The following PCSK9 variants were observed in gnomAD, a reference collection of about 807,000 sequenced individuals.
PCSK9 encodes the protein convertase subtilisin/kexin type 9 preproprotein.
In PCSK9, 57 loss-of-function variants were observed where a neutral mutation model predicts 62.1. That is an observed-to-expected ratio of 0.92 (90% confidence interval 0.74 to 1.14). The LOEUF (loss-of-function observed/expected upper bound fraction) is 1.14, where lower values mean the gene tolerates loss of function less well. PCSK9 is among the 50% of genes most tolerant of loss of function. PCSK9 has a pLI of 0.00. For missense variants in PCSK9, 870 were observed against 959.8 expected (o/e 0.91, Z 1.24); for synonymous variants, 387 against 409.4 (o/e 0.95, Z 0.66).
At chr1:55,049,946 G>A (rs931285590) in intron 3 of PCSK9, among the ~76,000 whole-genome samples, 6 of 152,192 alleles carry the variant, frequency 3.9e-5, no homozygotes, top group Admixed American at 2.0e-4. Context: ...GGACCAGAAA[G>A]GACTCTCACC....
intron 7 of PCSK9, among the ~76,000 whole-genome samples, 161 bp downstream of exon 7, chr1:55,057,675 G>A (rs989169827): frequency 6.6e-6 from 1 of 152,184 alleles, no homozygotes; most frequent in Non-Finnish European, 1.5e-5. Flanking sequence ...TGAGGGAGGC[G>A]AGTGCACAGA....
chr1:55,057,592 C>T, intron 7 of PCSK9, 78 bp downstream of exon 7: 3 of 1,485,786 alleles, frequency 2.0e-6, no homozygotes, highest in Non-Finnish European at 2.7e-6. Flanking sequence ...CCGGGACCTC[C>T]AGTGCCAGGC....
chr1:55,045,200 G>C (rs1375599528), intron 2 of PCSK9, among the ~76,000 whole-genome samples: 4 of 152,220 alleles, frequency 2.6e-5, no homozygotes, highest in African/African-American at 9.6e-5. Context: ...CAGGGCAGCT[G>C]CTCAGAGGAG....
rs28362228 is a variant in PCSK9, at chr1:55,049,008, C to T, written c.523+2362C>T. 7.8e-3 allele frequency among the ~76,000 whole-genome samples: 1,186 copies of T among 152,328 alleles called. 21 individuals carry two copies. Among genetic ancestry groups the T allele is most frequent in the African/African-American group, 0.028 (1,145 of 41,566 alleles). ...ATGAAATGAATGTGGTCTCTTCCCC[C>T]AACAGTGTATCCAGAAGATTAATCC... On this transcript the variant is annotated intron_variant, in intron 3 of 11. Transcript: ENST00000302118.
At chr1:55,049,578 G>A (rs1443115305) in intron 3 of PCSK9, among the ~76,000 whole-genome samples, 1 of 152,224 alleles carries the variant, frequency 6.6e-6, no homozygotes. Context: ...CTCACCCGGG[G>A]GTTTGGAAGA....
chr1:55,044,768 G>A (rs762155646), intron 2 of PCSK9, among the ~76,000 whole-genome samples: 3 of 152,148 alleles, frequency 2.0e-5, no homozygotes, highest in Non-Finnish European at 4.4e-5. Context: ...GTCACACAGC[G>A]TGTAATGGGC....
In PCSK9 at chr1:55,061,428, C is replaced by A. The variant is rs751217094; in HGVS notation, c.1735C>A (p.Leu579Met). ...CCTTGGCACCCACAAGCCGCCTGTG[C>A]TGAGGCCACGAGGTCAGCCCAACCA... ...EDLGTHKPPV[L>M]RPRGQPNQCV... Residue 579 changes from leucine (L) to methionine (M), a missense_variant, in exon 11 of 12, where the codon CTG (leucine) becomes ATG (methionine). By Grantham distance (15) the Leu-to-Met change is conservative. Transcript: ENST00000302118. 2 of 1,610,718 alleles carry A rather than the reference C, an allele frequency of 1.2e-6. No individual in the cohort carries two copies. The highest frequency in any genetic ancestry group is 4.5e-5 in the East Asian group (2 of 44,786).
rs778900671 is a variant in PCSK9, at chr1:55,052,743, C to T, written c.751C>T (p.Arg251Cys). 16 of 1,613,072 alleles carry T rather than the reference C, an allele frequency of 9.9e-6. No individual in the cohort carries two copies. The highest frequency in any genetic ancestry group is 8.3e-5 in the Admixed American group (5 of 60,006). The change falls in exon 5 of 12, where the codon CGC becomes TGC. Residue 251 changes from arginine to cysteine, a missense_variant. By Grantham distance (180) the Arg-to-Cys change is radical. Coordinates refer to ENST00000302118, the MANE Select transcript of PCSK9 (RefSeq NM_174936.4). Reference sequence around the variant, plus strand: ...CAAGGGTGCCAGCATGCGCAGCCTGCGCGTGCTCAACTGCCAAGGGAAGGG... The same window carrying T: ...CAAGGGTGCCAGCATGCGCAGCCTGTGCGTGCTCAACTGCCAAGGGAAGGG... ...VAKGASMRSLRVLNCQGKGTV... is the reference protein window; with the variant it reads ...VAKGASMRSLCVLNCQGKGTV...
At chr1:55,041,187 T>G (rs1363879883) in intron 1 of PCSK9, among the ~76,000 whole-genome samples, 14 of 152,210 alleles carry the variant, frequency 9.2e-5, no homozygotes, top group Admixed American at 9.2e-4. Context: ...GTTTTGTCCC[T>G]GTCTGCAGTG....
At chr1:55,043,300 C>T (rs182703185) in intron 1 of PCSK9, among the ~76,000 whole-genome samples, 9 of 152,316 alleles carry the variant, frequency 5.9e-5, no homozygotes, top group East Asian at 1.9e-4. Context: ...TTTATATAAC[C>T]GTCACTCTTG....
chr1:55,040,086 G>A lies in PCSK9; in HGVS notation c.207+42G>A, dbSNP rs1429564497. The stretch of plus-strand genomic sequence containing the variant: ...GGGAGGCCGGGGCGAACCCGCAGCC[G>A]GGACGGTGCGGTGCTGTTTCCTCTC... On this transcript the variant is annotated intron_variant, in intron 1 of 11. Coordinates refer to ENST00000302118, the MANE Select transcript of PCSK9 (RefSeq NM_174936.4). The surrounding 1 kb of genome is among the most constrained non-coding windows in gnomAD (Gnocchi z 4.1). The A allele has an allele frequency of 6.5e-7, 1 of 1,542,392 alleles. No homozygotes were observed. Among genetic ancestry groups the A allele is most frequent in the African/African-American group, 1.4e-5 (1 of 72,998 alleles).
intron 5 of PCSK9, among the ~76,000 whole-genome samples, chr1:55,053,913 G>A (rs912395992): frequency 2.9e-4 from 44 of 152,188 alleles, no homozygotes; most frequent in African/African-American, 9.9e-4. Context: ...TCCTGGAGAA[G>A]TCCCTTCTTT....
chr1:55,040,471 C>A lies in PCSK9; in HGVS notation c.207+427C>A, dbSNP rs1461089636. Among the ~76,000 whole-genome samples the A allele has an allele frequency of 6.6e-6, 1 of 152,072 alleles. No homozygotes were observed. Among genetic ancestry groups the A allele is most frequent in the East Asian group, 1.9e-4 (1 of 5,170 alleles). On this transcript the variant is annotated intron_variant, in intron 1 of 11. Transcript: ENST00000302118. The surrounding 1 kb of genome is among the most constrained non-coding windows in gnomAD (Gnocchi z 4.1). ...CCAGGCACAGAGAAAGCGGGCTTGC[C>A]ATTATAGTGGGTTCCGATTTGGTTT... is the stretch of plus-strand genomic sequence containing the variant.
chr1:55,062,679 C>T (rs1267822232), intron 11 of PCSK9, among the ~76,000 whole-genome samples: 2 of 152,060 alleles, frequency 1.3e-5, no homozygotes, highest in Non-Finnish European at 2.9e-5. Flanking sequence ...GCAGGGAGTA[C>T]CAGGAAACCA....
chr1:55,058,114 C>T lies in PCSK9; in HGVS notation c.1259C>T (p.Ala420Val). The T allele has an allele frequency of 6.2e-7, 1 of 1,613,612 alleles. No individual in the cohort carries two copies. The highest frequency in any genetic ancestry group is 8.5e-7 in the Non-Finnish European group (1 of 1,179,972). Residue 420 changes from alanine to valine, a missense_variant, in exon 8 of 12, where the codon GCC (alanine) becomes GTC (valine). Transcript: ENST00000302118. ...AGGCAGAGACTGATCCACTTCTCTG[C>T]CAAAGATGTCATCAATGAGGCCTGG... ...ELRQRLIHFS[A>V]KDVINEAWFP...
At chr1:55,057,162 G>A (rs1463261209) in intron 6 of PCSK9, among the ~76,000 whole-genome samples, 169 bp from the exon 7 acceptor site, 1 of 152,206 alleles carries the variant, frequency 6.6e-6, no homozygotes, top group Admixed American at 6.5e-5. Context: ...GCGGGGCAGG[G>A]GTGCCAGAGT....
intron 5 of PCSK9, among the ~76,000 whole-genome samples, chr1:55,054,810 C>T (rs535914324): frequency 6.6e-6 from 1 of 152,276 alleles, no homozygotes; most frequent in East Asian, 1.9e-4. Context: ...TCGAGACCAT[C>T]CTTGCTAACA....
At chr1:55,058,763 C>T in intron 9 of PCSK9, 116 bp downstream of exon 9, 2 of 1,527,088 alleles carry the variant, frequency 1.3e-6, no homozygotes, top group East Asian at 4.9e-5. Context: ...CTCCATCCTC[C>T]AGACTCCAGC....
In PCSK9 at chr1:55,057,507, CG is replaced by C. The variant is rs754420902; in HGVS notation, c.1174del (p.Val392TrpfsTer7). The C allele has an allele frequency of 6.2e-7, 1 of 1,611,086 alleles. No homozygotes were observed. Among genetic ancestry groups the C allele is most frequent in the Non-Finnish European group, 8.5e-7 (1 of 1,179,078 alleles). On this transcript the variant is annotated frameshift_variant, in exon 7 of 12. Coordinates refer to ENST00000302118, the MANE Select transcript of PCSK9 (RefSeq NM_174936.4). LOFTEE classifies it high-confidence loss of function. Reference protein sequence around the residue: ...QSGTSQAAAHVAGIAAMMLSA... With the variant: ...QSGTSQAAAHXAGIAAMMLSA... The stretch of plus-strand genomic sequence containing the variant: ...GTGGGACATCACAGGCTGCTGCCCA[CG>C]TGGCTGGTAAGTCACCACCCCACTG...
Sources: allele counts gnomAD v4.1 joint callset (sites outside exome capture counted in the v4.1 genomes callset), GRCh38; gene constraint gnomAD v4.1.1; non-coding constraint Gnocchi (gnomAD v3.1); transcripts MANE v1.5; gene names NCBI Gene and HGNC (gene_info 2026-07-23, HGNC 2026-07-21).